RAX: variants seen among roughly 807,000 people sequenced by gnomAD.
The protein encoded by RAX is retina and anterior neural fold homeobox, also known as retinal homeobox protein Rx.
RAX carries 11 observed loss-of-function variants against 17.4 expected under a neutral mutation model. The observed-to-expected ratio is 0.63, with a 90% CI of 0.40 to 1.05. The LOEUF (loss-of-function observed/expected upper bound fraction) is 1.05, where lower values mean the gene tolerates loss of function less well. RAX is among the 50% of genes least tolerant of loss of function. RAX has a pLI of 0.00. For missense variants in RAX, 527 were observed against 501.1 expected (o/e 1.05, Z -0.49); for synonymous variants, 276 against 254.7 (o/e 1.08, Z -0.80).
chr18:59,272,933 C>T lies in RAX; in HGVS notation c.274G>A (p.Ala92Thr). The T allele has an allele frequency of 2.7e-6, 4 of 1,464,056 alleles. No individual in the cohort carries two copies. The highest frequency in any genetic ancestry group is 3.6e-6 in the Non-Finnish European group (4 of 1,125,452). The allele number at this position is 1,464,056 out of a possible 1,614,324, so 90.7% of individuals were successfully genotyped here. A position where few individuals can be genotyped will look rare whatever the true frequency, so the allele number is the denominator to read the frequency against. Residue 92 changes from alanine (A) to threonine (T), a missense_variant, in exon 1 of 3, where the codon GCC becomes ACC. Transcript: ENST00000334889. ...GCGCACTCACCTTCGTACTCGGGGG[C>T]GGGCGCCGGGGCTGGCGGCGGGGAG... ...EPSPPPAPAPAPEYEAPRPYC... is the reference protein window; with the variant it reads ...EPSPPPAPAPTPEYEAPRPYC...
chr18:59,271,666 C>A (rs879545902), intron 2 of RAX, among the ~76,000 whole-genome samples: 3 of 152,228 alleles, frequency 2.0e-5, no homozygotes, highest in Non-Finnish European at 4.4e-5. Flanking sequence ...CCCAATGTCT[C>A]TCTTTCAGCC....
At position 59,271,730 on chromosome 18, in the gene RAX, G is replaced by A. The variant is rs578093404; in HGVS notation, c.543+631C>T. 2.0e-5 allele frequency among the ~76,000 whole-genome samples: 3 copies of A among 152,262 alleles called. No individual in the cohort carries two copies. In the South Asian group the frequency reaches 6.2e-4, roughly 32 times the overall value. On this transcript the variant is annotated intron_variant, in intron 2 of 2. Coordinates refer to ENST00000334889, the MANE Select transcript of RAX (RefSeq NM_013435.3). ...CTCCCAGATTTTTCACAGATGACTAGCAAATATTTAAGGCTTTCAAATATT... is the reference window on the plus strand; with the variant it reads ...CTCCCAGATTTTTCACAGATGACTAACAAATATTTAAGGCTTTCAAATATT...
chr18:59,273,282 C>A lies in RAX; in HGVS notation c.-76G>T. On this transcript the variant is annotated 5_prime_UTR_variant, in exon 1 of 3. Transcript: ENST00000334889. ...CGAAGCCGGGTCTTCCCGAGTGCGG[C>A]GGTGCAACCCGACGGGTCCCGACCC... The A allele has an allele frequency of 2.1e-6, 3 of 1,424,232 alleles. No homozygotes were observed. Among genetic ancestry groups the A allele is most frequent in the Non-Finnish European group, 2.8e-6 (3 of 1,073,328 alleles). The allele number at this position is 1,424,232 out of a possible 1,614,324, so 88.2% of individuals were successfully genotyped here.
In RAX at chr18:59,267,285, A is replaced by T. The variant is rs1293554935; in HGVS notation, c.*1719T>A. On this transcript the variant is annotated 3_prime_UTR_variant, in exon 3 of 3. Coordinates refer to ENST00000334889, the MANE Select transcript of RAX (RefSeq NM_013435.3). ...TAGACCCGCAGAGAAAGGACTGGAA[A>T]CTATGATGAGGCTTCCCATATTCCC... is the stretch of plus-strand genomic sequence containing the variant. The T allele has an allele frequency of 6.6e-6, 1 of 152,190 alleles. No homozygotes were observed. The highest frequency in any genetic ancestry group is 6.5e-5 in the Admixed American group (1 of 15,286). 9.4% of individuals were successfully genotyped at this position (152,190 alleles called of 1,614,324 possible). A position where few individuals can be genotyped will look rare whatever the true frequency, so the allele number is the denominator to read the frequency against.
Position 59,267,429 on chromosome 18 carries a change from T to C in RAX, c.*1575A>G, listed in dbSNP as rs1343086772. On this transcript the variant is annotated 3_prime_UTR_variant, in exon 3 of 3. Coordinates refer to ENST00000334889, the MANE Select transcript of RAX (RefSeq NM_013435.3). ...ATATTGCGTCATGCCAGGGTCTTGG[T>C]ACTTTCCACAAAGCCTTTACAGGTG... The C allele has an allele frequency of 1.3e-5, 2 of 152,226 alleles. No individual in the cohort carries two copies. 9.4% of individuals were successfully genotyped at this position (152,226 alleles called of 1,614,324 possible). A position where few individuals can be genotyped will look rare whatever the true frequency, so the allele number is the denominator to read the frequency against.
chr18:59,271,065 A>G (rs562337812), intron 2 of RAX, among the ~76,000 whole-genome samples: 1 of 152,258 alleles, frequency 6.6e-6, no homozygotes, highest in South Asian at 2.1e-4. Flanking sequence ...CTACCATCTG[A>G]TTACATCATA....
Position 59,268,993 on chromosome 18 carries a change from C to A in RAX, c.*11G>T, listed in dbSNP as rs529011789. On this transcript the variant is annotated 3_prime_UTR_variant, in exon 3 of 3. Coordinates refer to ENST00000334889, the MANE Select transcript of RAX (RefSeq NM_013435.3). The surrounding 1 kb of genome is among the most constrained non-coding windows in gnomAD (Gnocchi z 4.4). ...GCCCGGGGTCGGATCCCAAGACGTT[C>A]CCCAGTGCCCCTAGAGGGCCTGCCA... The A allele has an allele frequency of 6.2e-7, 1 of 1,612,964 alleles. No individual in the cohort carries two copies. Among genetic ancestry groups the A allele is most frequent in the South Asian group, 1.1e-5 (1 of 91,088 alleles).
Position 59,273,108 on chromosome 18 carries a change from G to A in RAX, c.99C>T (p.His33=), listed in dbSNP as rs1042523079. 30 of 1,534,930 alleles carry A rather than the reference G, an allele frequency of 2.0e-5. No individual in the cohort carries two copies. The highest frequency in any genetic ancestry group is 2.5e-5 in the Non-Finnish European group (29 of 1,146,336). Residue 33 remains histidine, a synonymous_variant, in exon 1 of 3, where the codon CAC becomes CAT. Transcript: ENST00000334889. ...RSPGGSTSRL[H]SIEAILGFTK... is the part of the protein sequence containing the mutation. ...TAAACCCCAGGATGGCCTCGATGCT[G>A]TGAAGTCGCGAGGTGCTCCCGCCCG... is the stretch of plus-strand genomic sequence containing the variant.
At position 59,273,291 on chromosome 18, in the gene RAX, C is replaced by A; in HGVS notation, c.-85G>T. 1 of 1,358,442 alleles carries A rather than the reference C, an allele frequency of 7.4e-7. No homozygotes were observed. Among genetic ancestry groups the A allele is most frequent in the African/African-American group, 1.5e-5 (1 of 67,098 alleles). 84.1% of individuals were successfully genotyped at this position (1,358,442 alleles called of 1,614,324 possible). A position where few individuals can be genotyped will look rare whatever the true frequency, so the allele number is the denominator to read the frequency against. On this transcript the variant is annotated 5_prime_UTR_variant, in exon 1 of 3. Coordinates refer to ENST00000334889, the MANE Select transcript of RAX (RefSeq NM_013435.3). Reference sequence around the variant, plus strand: ...GTCTTCCCGAGTGCGGCGGTGCAACCCGACGGGTCCCGACCCTAGGTCAAG... The same window carrying A: ...GTCTTCCCGAGTGCGGCGGTGCAACACGACGGGTCCCGACCCTAGGTCAAG...
At position 59,272,555 on chromosome 18, in the gene RAX, C is replaced by T. The variant is rs1446560067; in HGVS notation, c.349G>A (p.Val117Ile). The T allele has an allele frequency of 3.1e-6, 5 of 1,614,000 alleles. No homozygotes were observed. Among genetic ancestry groups the T allele is most frequent in the African/African-American group, 1.3e-5 (1 of 74,940 alleles). Residue 117 changes from valine to isoleucine, a missense_variant, in exon 2 of 3, where the codon GTC (valine) becomes ATC (isoleucine). Physicochemically the swap from Val to Ile is conservative, Grantham distance 29. Transcript: ENST00000334889. The part of the protein sequence containing the change: ...GEARPSPGLP[V>I]GPATGEAKLS... Reference sequence around the variant, plus strand: ...TTCGCTTCGCCGGTGGCTGGCCCGACGGGCAGCCCTGGGCTCGGCCGTGCC... The same window carrying T: ...TTCGCTTCGCCGGTGGCTGGCCCGATGGGCAGCCCTGGGCTCGGCCGTGCC...
chr18:59,269,244 C>G lies in RAX; in HGVS notation c.801G>C (p.Ala267=). ...LQSLPGFGPP[A]QSLPASYTPP... is the part of the protein sequence containing the mutation. ...GCGTGTAGCTGGCAGGCAGGCTCTGCGCCGGCGGCCCGAAGCCCGGCAGGC... is the reference window on the plus strand; with the variant it reads ...GCGTGTAGCTGGCAGGCAGGCTCTGGGCCGGCGGCCCGAAGCCCGGCAGGC... Residue 267 remains alanine (A), a synonymous_variant, in exon 3 of 3, where the codon GCG becomes GCC. Transcript: ENST00000334889. The G allele has an allele frequency of 1.3e-6, 2 of 1,505,356 alleles. No individual in the cohort carries two copies. Among genetic ancestry groups the G allele is most frequent in the Non-Finnish European group, 8.8e-7 (1 of 1,134,336 alleles). The allele number at this position is 1,505,356 out of a possible 1,614,324, so 93.2% of individuals were successfully genotyped here.
rs914293556 is a variant in RAX at position 59,273,374 on chromosome 18, C to T, written c.-168G>A. On this transcript the variant is annotated 5_prime_UTR_variant, in exon 1 of 3. Coordinates refer to ENST00000334889, the MANE Select transcript of RAX (RefSeq NM_013435.3). ...GCTGGGGGTGGCCGAGCGCTCAGCCCGCTGCCGCCTTAGTCCCAGAAGTCG... is the reference window on the plus strand; with the variant it reads ...GCTGGGGGTGGCCGAGCGCTCAGCCTGCTGCCGCCTTAGTCCCAGAAGTCG... The T allele has an allele frequency of 5.7e-6, 4 of 700,284 alleles. No individual in the cohort carries two copies. The highest frequency in any genetic ancestry group is 8.9e-6 in the Non-Finnish European group (4 of 450,862). The allele number at this position is 700,284 out of a possible 1,614,324, so 43.4% of individuals were successfully genotyped here.
chr18:59,273,208 G>C lies in RAX; in HGVS notation c.-2C>G, dbSNP rs1378662033. ...TGGCGCGCAGCCCGGCAGGTGCATG[G>C]GGAGCGCCGGGAGGCGGGAGGGCGC... On this transcript the variant is annotated 5_prime_UTR_variant, in exon 1 of 3. Coordinates refer to ENST00000334889, the MANE Select transcript of RAX (RefSeq NM_013435.3). 6.5e-7 allele frequency: 1 copy of C among 1,526,730 alleles called. No homozygotes were observed. The highest frequency in any genetic ancestry group is 2.0e-5 in the Admixed American group (1 of 50,412). 94.6% of individuals were successfully genotyped at this position (1,526,730 alleles called of 1,614,324 possible).
chr18:59,272,636 G>C, intron 1 of RAX, 22 bp from the exon 2 acceptor site: 1 of 1,601,828 alleles, frequency 6.2e-7, no homozygotes. Context: ...AGGCCCGGGA[G>C]GGTCAGATGC....
At position 59,269,106 on chromosome 18, in the gene RAX, G is replaced by T; in HGVS notation, c.939C>A (p.Phe313Leu). ...TGCGCGGGTCCGCCTCGTCCAGCGG[G>T]AACTTGTCCCCGAAGCCGGGCCCGC... ...YPCGPGFGDK[F>L]PLDEADPRNS... is the part of the protein sequence containing the mutation. Residue 313 changes from phenylalanine to leucine, a missense_variant, in exon 3 of 3, where the codon TTC becomes TTA. Phe to Leu is a conservative substitution (Grantham distance 22). Coordinates refer to ENST00000334889, the MANE Select transcript of RAX (RefSeq NM_013435.3). 6.2e-7 allele frequency: 1 copy of T among 1,611,092 alleles called. No homozygotes were observed. Among genetic ancestry groups the T allele is most frequent in the Non-Finnish European group, 8.5e-7 (1 of 1,178,956 alleles).
Position 59,272,469 on chromosome 18 carries a change from C to A in RAX, c.435G>T (p.Thr145=), listed in dbSNP as rs1229296769. The A allele has an allele frequency of 1.2e-6, 2 of 1,614,114 alleles. No homozygotes were observed. The highest frequency in any genetic ancestry group is 2.7e-5 in the African/African-American group (2 of 74,948). The change falls in exon 2 of 3, where the codon ACG becomes ACT. Residue 145 remains threonine, a synonymous_variant. Coordinates refer to ENST00000334889, the MANE Select transcript of RAX (RefSeq NM_013435.3). ...CGCGCTCCAGCTCATGCAGCTGGTA[C>A]GTGGTGAAAGTCGTGCGGTTCCGCC... ...KHRRNRTTFT[T]YQLHELERAF... is the part of the protein sequence containing the mutation.
Position 59,273,348 on chromosome 18 carries a change from C to T in RAX, c.-142G>A, listed in dbSNP as rs2070358245. On this transcript the variant is annotated 5_prime_UTR_variant, in exon 1 of 3. It adds an upstream start codon to the 5' untranslated region. Transcript: ENST00000334889. ...GGGCGAAGCCCGCCCGGGCTGCGCA[C>T]GCTGGGGGTGGCCGAGCGCTCAGCC... The T allele has an allele frequency of 2.2e-6, 2 of 925,020 alleles. No homozygotes were observed. Among genetic ancestry groups the T allele is most frequent in the East Asian group, 3.0e-5 (1 of 32,962 alleles). The allele number at this position is 925,020 out of a possible 1,614,324, so 57.3% of individuals were successfully genotyped here. A position where few individuals can be genotyped will look rare whatever the true frequency, so the allele number is the denominator to read the frequency against.
At position 59,267,538 on chromosome 18, in the gene RAX, C is replaced by G. The variant is rs2070289133; in HGVS notation, c.*1466G>C. The G allele has an allele frequency of 6.6e-6, 1 of 151,882 alleles. No homozygotes were observed. The highest frequency in any genetic ancestry group is 1.5e-5 in the Non-Finnish European group (1 of 68,032). The allele number at this position is 151,882 out of a possible 1,614,324, so 9.4% of individuals were successfully genotyped here. A position where few individuals can be genotyped will look rare whatever the true frequency, so the allele number is the denominator to read the frequency against. ...GGACTGGGAGCTTCACTAATTTGCT[C>G]AGGACCGACAGACAGTAGCCAGTTG... On this transcript the variant is annotated 3_prime_UTR_variant, in exon 3 of 3. Coordinates refer to ENST00000334889, the MANE Select transcript of RAX (RefSeq NM_013435.3).
chr18:59,270,564 T>C (rs1156259829), intron 2 of RAX, among the ~76,000 whole-genome samples: 1 of 152,174 alleles, frequency 6.6e-6, no homozygotes, highest in East Asian at 1.9e-4. Context: ...CACAAAAGAA[T>C]TTCAGCCAAA....
Sources: gnomAD v4.1 joint callset for allele counts (sites outside exome capture counted in the v4.1 genomes callset) on GRCh38, gnomAD v4.1.1 for gene constraint, Gnocchi (gnomAD v3.1) non-coding constraint, MANE v1.5 for transcripts, NCBI Gene and HGNC (gene_info 2026-07-23, HGNC 2026-07-21) for gene names.